JAG1: variants seen among roughly 807,000 people sequenced by gnomAD.
The protein encoded by JAG1 is jagged canonical Notch ligand 1.
In JAG1, 23 loss-of-function variants were observed where a neutral mutation model predicts 148.7. The ratio of observed to expected loss-of-function variants is 0.15; its 90% CI spans 0.11 to 0.22. The LOEUF (loss-of-function observed/expected upper bound fraction) is 0.22. Among genes scored for constraint, JAG1 ranks in the 10% least tolerant of loss-of-function variants. The pLI, the probability that JAG1 is intolerant of heterozygous loss-of-function variation, is 1.00. For synonymous variants in JAG1, 572 were observed against 598.3 expected (o/e 0.96, Z 0.64); for missense variants, 1,054 against 1,611.2 (o/e 0.65, Z 5.92).
intron 4 of JAG1, among the ~76,000 whole-genome samples, chr20:10,657,022 C>A (rs1477635816): frequency 6.6e-6 from 1 of 151,834 alleles, no homozygotes; most frequent in African/African-American, 2.4e-5. Flanking sequence ...CCTTGCAGAG[C>A]AATTCTCTAC....
At chr20:10,652,437 C>T in intron 6 of JAG1, 31 bp downstream of exon 6, 1 of 1,613,484 alleles carries the variant, frequency 6.2e-7, no homozygotes, top group Non-Finnish European at 8.5e-7. Flanking sequence ...CCCCCAGATC[C>T]CACCCTGGGT....
Position 10,646,880 on chromosome 20 carries a change from A to AGGCAGG in JAG1, c.1885+53_1885+58dup, listed in dbSNP as rs567896976. On this transcript the variant is annotated intron_variant, in intron 14 of 25. Transcript: ENST00000254958. ...TGATCCCAGGGTGGGCCAGGGGCAG[A>AGGCAGG]GGCAGGGGCAGGGGCAGGCTGGGGA... is the stretch of plus-strand genomic sequence containing the variant. The AGGCAGG allele has an allele frequency of 5.1e-5, 77 of 1,520,408 alleles. 1 individual carries two copies. The highest frequency in any genetic ancestry group is 1.7e-4 in the Admixed American group (10 of 59,758). The allele number at this position is 1,520,408 out of a possible 1,614,324, so 94.2% of individuals were successfully genotyped here.
intron 20 of JAG1, among the ~76,000 whole-genome samples, chr20:10,643,489 A>T (rs1227303572): frequency 6.6e-6 from 1 of 152,096 alleles, no homozygotes; most frequent in East Asian, 1.9e-4. Flanking sequence ...GTCATGGGGA[A>T]ATGCACATAC....
At chr20:10,650,381 G>T (rs2067337253) in intron 8 of JAG1, 21 bp from the exon 9 acceptor site, 1 of 1,376,514 alleles carries the variant, frequency 7.3e-7, no homozygotes. Context: ...AGAAAAGGAG[G>T]GGGTTGACAA....
At position 10,648,671 on chromosome 20, in the gene JAG1, G is replaced by T. The variant is rs760498012; in HGVS notation, c.1447C>A (p.His483Asn). 1.2e-6 allele frequency: 2 copies of T among 1,614,188 alleles called. No homozygotes were observed. The highest frequency in any genetic ancestry group is 1.7e-6 in the Non-Finnish European group (2 of 1,180,006). ...CATTCATCGATGTCTCTCTCACAGT[G>T]ATCGCCTGCATAGCCAGGTGGACAG... ...CICPPGYAGD[H>N]CERDIDECAS... Residue 483 changes from histidine (H) to asparagine (N), a missense_variant, in exon 12 of 26, where the codon CAC (histidine) becomes AAC (asparagine). Transcript: ENST00000254958.
At chr20:10,654,649 T>C (rs1223041860) in intron 5 of JAG1, among the ~76,000 whole-genome samples, 1 of 152,222 alleles carries the variant, frequency 6.6e-6, no homozygotes, top group Non-Finnish European at 1.5e-5. Flanking sequence ...GTGAAGGTTC[T>C]GTTTTGACTT....
intron 18 of JAG1, 121 bp from the exon 19 acceptor site, chr20:10,644,505 A>C: frequency 1.3e-6 from 1 of 799,868 alleles, no homozygotes; most frequent in South Asian, 1.4e-5. Context: ...AACACCAGCA[A>C]AATACCTTTG....
rs774572140 is a variant in JAG1 at position 10,644,946 on chromosome 20, T to C, written c.2261A>G (p.His754Arg). 13 of 1,614,128 alleles carry C rather than the reference T, an allele frequency of 8.1e-6. No individual in the cohort carries two copies. The highest frequency in any genetic ancestry group is 1.0e-5 in the Non-Finnish European group (12 of 1,180,006). The part of the protein sequence containing the change: ...RNSSCLPNPC[H>R]NGGTCVVNGE... ...GTTGACCACACATGTGCCCCCATTA[T>C]GGCAGGGGTTGGGCAGGCAGCTACT... Residue 754 changes from histidine to arginine, a missense_variant, in exon 18 of 26, where the codon CAT (histidine) becomes CGT (arginine). Coordinates refer to ENST00000254958, the MANE Select transcript of JAG1 (RefSeq NM_000214.3).
In JAG1 at chr20:10,656,291, G is replaced by A. The variant is rs191526826; in HGVS notation, c.755+107C>T. 2.0e-5 allele frequency: 18 copies of A among 922,294 alleles called. No homozygotes were observed. In the East Asian group the frequency reaches 4.2e-4, roughly 22 times the overall value. The allele number at this position is 922,294 out of a possible 1,614,324, so 57.1% of individuals were successfully genotyped here. On this transcript the variant is annotated intron_variant, in intron 5 of 25. Transcript: ENST00000254958. ...CTATCTGAATTTTTTTTTTAAAAAA[G>A]CTTTCTTGTTCTCCAAGGAAAAAAG...
intron 19 of JAG1, among the ~76,000 whole-genome samples, 166 bp downstream of exon 19, chr20:10,644,191 G>A (rs2067292060): frequency 6.6e-6 from 1 of 151,872 alleles, no homozygotes; most frequent in Admixed American, 6.6e-5. Context: ...CTTCACCTGG[G>A]AGCTTGTTAG....
rs371127863 is a variant in JAG1, at chr20:10,645,138, G to C, written c.2227+5C>G. 2.5e-5 allele frequency: 41 copies of C among 1,610,308 alleles called. No homozygotes were observed. Among genetic ancestry groups the C allele is most frequent in the Non-Finnish European group, 3.3e-5 (39 of 1,176,580 alleles). On this transcript the variant is annotated splice_donor_5th_base_variant and intron_variant, in intron 17 of 25. Coordinates refer to ENST00000254958, the MANE Select transcript of JAG1 (RefSeq NM_000214.3). This position sits in a 1 kb window ranked among gnomAD's most constrained non-coding sequence, Gnocchi z 6.1. ...CTGCAGATCCCACGTGGGGCATAAA[G>C]TTACCTATGTTACAGGTTGTTCCTT...
At chr20:10,648,519 T>C in intron 12 of JAG1, 30 bp downstream of exon 12, 2 of 1,605,692 alleles carry the variant, frequency 1.2e-6, no homozygotes, top group Non-Finnish European at 1.7e-6. Context: ...CTCTAAAAAC[T>C]TGGCCATCTG....
chr20:10,661,560 G>A (rs1600190481), intron 3 of JAG1, among the ~76,000 whole-genome samples: 1 of 152,214 alleles, frequency 6.6e-6, no homozygotes, highest in East Asian at 1.9e-4. Flanking sequence ...AACACGGTGT[G>A]TAAGACAAGG....
chr20:10,646,740 G>A (rs1415319576), intron 14 of JAG1, among the ~76,000 whole-genome samples, 199 bp downstream of exon 14: 16 of 151,970 alleles, frequency 1.1e-4, no homozygotes, highest in Admixed American at 1.0e-3. Context: ...CAGGAGAATC[G>A]CTTGAACCTG....
At chr20:10,670,905 A>T (rs2067490585) in intron 2 of JAG1, among the ~76,000 whole-genome samples, 1 of 152,058 alleles carries the variant, frequency 6.6e-6, no homozygotes, top group South Asian at 2.1e-4. Flanking sequence ...TCCATTGAGG[A>T]CTCTGACCAA....
chr20:10,644,312 ACAC>A (rs1169029717), intron 19 of JAG1, 42 bp downstream of exon 19: 2 of 1,447,564 alleles, frequency 1.4e-6, no homozygotes, highest in Non-Finnish European at 9.7e-7. Context: ...ACACACACAC[ACAC>A]GATAGTGGAT....
At chr20:10,655,467 A>C (rs543725951) in intron 5 of JAG1, among the ~76,000 whole-genome samples, 6 of 152,292 alleles carry the variant, frequency 3.9e-5, no homozygotes, top group African/African-American at 1.2e-4. Flanking sequence ...AGCTTGTTAG[A>C]AATGCAGAAA....
At position 10,658,251 on chromosome 20, in the gene JAG1, C is replaced by A. The variant is rs557853641; in HGVS notation, c.694+217G>T. 1.1e-4 allele frequency among the ~76,000 whole-genome samples: 16 copies of A among 152,198 alleles called. No homozygotes were observed. In the South Asian group the frequency reaches 3.3e-3, roughly 32 times the overall value. On this transcript the variant is annotated intron_variant, in intron 4 of 25. Coordinates refer to ENST00000254958, the MANE Select transcript of JAG1 (RefSeq NM_000214.3). ...GGAGCAGCTGTGAGCTGTTGGCAGC[C>A]AACACAGCACCTGGGGGATGGGGAT...
chr20:10,673,066 A>G lies in JAG1; in HGVS notation c.82-60T>C. On this transcript the variant is annotated intron_variant, in intron 1 of 25. Coordinates refer to ENST00000254958, the MANE Select transcript of JAG1 (RefSeq NM_000214.3). This position sits in a 1 kb window ranked among gnomAD's most constrained non-coding sequence, Gnocchi z 4.7. ...AGAAAGCTGTTTTCTTCGAGTATAG[A>G]GGTGGCGACTCCCTCCCACTCCCCG... 3 of 1,515,306 alleles carry G rather than the reference A, an allele frequency of 2.0e-6. No homozygotes were observed. The highest frequency in any genetic ancestry group is 1.1e-5 in the South Asian group (1 of 88,736). 93.9% of individuals were successfully genotyped at this position (1,515,306 alleles called of 1,614,324 possible).
Sources: gnomAD v4.1 joint callset for allele counts (sites outside exome capture counted in the v4.1 genomes callset) on GRCh38, gnomAD v4.1.1 for gene constraint, Gnocchi (gnomAD v3.1) non-coding constraint, MANE v1.5 for transcripts, NCBI Gene and HGNC (gene_info 2026-07-23, HGNC 2026-07-21) for gene names.